Variants in KCNH2 observed in about 807,000 individuals in gnomAD.
KCNH2 encodes potassium voltage-gated channel subfamily H member 2.
KCNH2 carries 35 observed loss-of-function variants against 95.9 expected under a neutral mutation model. The observed-to-expected ratio is 0.37, with a 90% CI of 0.28 to 0.48. The LOEUF (loss-of-function observed/expected upper bound fraction) is 0.48, where lower values mean the gene tolerates loss of function less well. Among genes scored for constraint, KCNH2 ranks in the 20% least tolerant of loss-of-function variants. The probability of loss-of-function intolerance (pLI) is 0.99; values close to 1 mark genes in which losing one functional copy is unlikely to be tolerated. For missense variants in KCNH2, 1,274 were observed against 1,702.9 expected (o/e 0.75, Z 4.43); for synonymous variants, 786 against 754.7 (o/e 1.04, Z -0.68).
At position 150,945,680 on chromosome 7, in the gene KCNH2, G is replaced by A. The variant is rs930232422; in HGVS notation, c.3331-166C>T. ...TGGAGGGGACAAGAGCCAAGGCAGC[G>A]AGAGCAGGACAGGGGCCACCAAGGG... On this transcript the variant is annotated intron_variant, in intron 14 of 14. Coordinates refer to ENST00000262186, the MANE Select transcript of KCNH2 (RefSeq NM_000238.4). This position sits in a 1 kb window ranked among gnomAD's most constrained non-coding sequence, Gnocchi z 5.6. 6.6e-5 allele frequency among the ~76,000 whole-genome samples: 10 copies of A among 152,148 alleles called. No individual in the cohort carries two copies. The highest frequency in any genetic ancestry group is 4.1e-4 in the South Asian group (2 of 4,830).
chr7:150,946,958 G>A lies in KCNH2; in HGVS notation c.3249C>T (p.Thr1083=). 1 of 1,607,512 alleles carries A rather than the reference G, an allele frequency of 6.2e-7. No individual in the cohort carries two copies. Among genetic ancestry groups the A allele is most frequent in the Non-Finnish European group, 8.5e-7 (1 of 1,175,436 alleles). Residue 1083 remains threonine, a synonymous_variant, in exon 14 of 15, where the codon ACC becomes ACT. Coordinates refer to ENST00000262186, the MANE Select transcript of KCNH2 (RefSeq NM_000238.4). This position sits in a 1 kb window ranked among gnomAD's most constrained non-coding sequence, Gnocchi z 6.5. ...LVPPAYSAVT[T]PGPGPTSTSP... ...ATGTGGAAGTGGGGCCAGGCCCCGG[G>A]GTGGTCACAGCACTGTAGGCGGGCG...
At chr7:150,957,246 A>T in intron 5 of KCNH2, 45 bp downstream of exon 5, 1 of 1,485,124 alleles carries the variant, frequency 6.7e-7, no homozygotes, top group Non-Finnish European at 9.2e-7. Context: ...CCCCCTCTCC[A>T]AGCTCCTCCA....
rs747020378 is a variant in KCNH2 at position 150,974,676 on chromosome 7, C to A, written c.307+35G>T. On this transcript the variant is annotated intron_variant, in intron 2 of 14. Coordinates refer to ENST00000262186, the MANE Select transcript of KCNH2 (RefSeq NM_000238.4). ...CGTGGTCCCGCCCCTCTTGACCCCG[C>A]CCCTGGTCGTGGCCCCGCCCCGGCC... 9.8e-6 allele frequency: 15 copies of A among 1,528,238 alleles called. No individual in the cohort carries two copies. In the South Asian group the frequency reaches 1.7e-4, roughly 17 times the overall value. 94.7% of individuals were successfully genotyped at this position (1,528,238 alleles called of 1,614,324 possible).
In KCNH2 at chr7:150,978,087, C is replaced by T. The variant is rs575698405; in HGVS notation, c.-174G>A. 25 of 199,286 alleles carry T rather than the reference C, an allele frequency of 1.3e-4. No individual in the cohort carries two copies. In the Middle Eastern group the frequency reaches 5.5e-3, roughly 44 times the overall value. The allele number at this position is 199,286 out of a possible 1,614,324, so 12.3% of individuals were successfully genotyped here. On this transcript the variant is annotated 5_prime_UTR_variant, in exon 1 of 15. Coordinates refer to ENST00000262186, the MANE Select transcript of KCNH2 (RefSeq NM_000238.4). ...CCGGGTCCTCGCTCGGCTCCCGGCT[C>T]CCCGCTCCGGACCCCGGGCCCGGCC...
In KCNH2 at chr7:150,947,318, A is replaced by G. The variant is rs1427022039; in HGVS notation, c.3152+10T>C. The G allele has an allele frequency of 6.5e-7, 1 of 1,537,422 alleles. No individual in the cohort carries two copies. Among genetic ancestry groups the G allele is most frequent in the Non-Finnish European group, 8.7e-7 (1 of 1,145,284 alleles). ...GGGCGTGCCCCCCCACCCCACCTGC[A>G]CTCCCTCACCTGTTGAGCTGGCGCT... On this transcript the variant is annotated intron_variant, in intron 13 of 14. Coordinates refer to ENST00000262186, the MANE Select transcript of KCNH2 (RefSeq NM_000238.4).
At position 150,952,899 on chromosome 7, in the gene KCNH2, C is replaced by A. The variant is rs756001305; in HGVS notation, c.1129-46G>T. On this transcript the variant is annotated intron_variant, in intron 5 of 14. Transcript: ENST00000262186. This position sits in a 1 kb window ranked among gnomAD's most constrained non-coding sequence, Gnocchi z 7.3. ...GGTGTGGGTGAGGCAGGCCATGGGA[C>A]CTCGGGGGCAGGAGCGATGACATCT... The A allele has an allele frequency of 3.8e-6, 6 of 1,584,930 alleles. No individual in the cohort carries two copies. Among genetic ancestry groups the A allele is most frequent in the Non-Finnish European group, 8.6e-7 (1 of 1,161,694 alleles).
chr7:150,977,327 A>C (rs1259030552), intron 1 of KCNH2, among the ~76,000 whole-genome samples: 2 of 152,162 alleles, frequency 1.3e-5, no homozygotes, highest in Non-Finnish European at 2.9e-5. Flanking sequence ...ACATGGGCTC[A>C]GGGTTATATA....
intron 9 of KCNH2, 73 bp from the exon 10 acceptor site, chr7:150,949,122 C>T: frequency 7.2e-7 from 1 of 1,392,752 alleles, no homozygotes; most frequent in South Asian, 1.2e-5. Flanking sequence ...CTTCTCCCGG[C>T]ATCCCCACCC....
chr7:150,960,278 TTC>T (rs535780917), intron 2 of KCNH2, among the ~76,000 whole-genome samples: 69 of 152,390 alleles, frequency 4.5e-4, no homozygotes, highest in Middle Eastern at 3.4e-3. Context: ...TAATAATTTT[TTC>T]TTTTTAAAAT....
intron 1 of KCNH2, 41 bp from the exon 2 acceptor site, chr7:150,974,982 C>G (rs1294749679): frequency 6.6e-7 from 1 of 1,515,688 alleles, no homozygotes; most frequent in Non-Finnish European, 8.9e-7. Context: ...GCGGGGACCC[C>G]AGCCTCCGGG....
intron 3 of KCNH2, 44 bp downstream of exon 3, chr7:150,959,528 G>T: frequency 6.2e-7 from 1 of 1,608,400 alleles, no homozygotes; most frequent in African/African-American, 1.3e-5. Context: ...CCAAAGAAAT[G>T]AGACCACGAA....
intron 2 of KCNH2, among the ~76,000 whole-genome samples, chr7:150,966,003 C>A (rs541194733): frequency 2.6e-5 from 4 of 152,226 alleles, no homozygotes; most frequent in Non-Finnish European, 5.9e-5. Context: ...TTTGATGAAG[C>A]AAAATTCAAC....
chr7:150,945,107 G>A lies in KCNH2; in HGVS notation c.*258C>T, dbSNP rs1003129080. ...CTAAGGCCCAGGGCCGGGTGCCTCC[G>A]GGCAGTTAGACCAGCTAATGCCCTC... On this transcript the variant is annotated 3_prime_UTR_variant, in exon 15 of 15. Transcript: ENST00000262186. This position sits in a 1 kb window ranked among gnomAD's most constrained non-coding sequence, Gnocchi z 5.6. 3.2e-5 allele frequency: 16 copies of A among 504,342 alleles called. No homozygotes were observed. The highest frequency in any genetic ancestry group is 9.1e-5 in the East Asian group (3 of 33,148). 31.2% of individuals were successfully genotyped at this position (504,342 alleles called of 1,614,324 possible). A position where few individuals can be genotyped will look rare whatever the true frequency, so the allele number is the denominator to read the frequency against.
At position 150,973,138 on chromosome 7, in the gene KCNH2, T is replaced by C. The variant is rs143046890; in HGVS notation, c.307+1573A>G. 4.2e-3 allele frequency among the ~76,000 whole-genome samples: 639 copies of C among 152,342 alleles called. 9 individuals are homozygous for C. Among genetic ancestry groups the C allele is most frequent in the African/African-American group, 0.014 (602 of 41,568 alleles). ...GTCCAGTAGTGTATAATTTCCAGCA[T>C]TGTCTTAGACACAAACCCAGGACTT... On this transcript the variant is annotated intron_variant, in intron 2 of 14. Transcript: ENST00000262186.
chr7:150,973,366 G>A lies in KCNH2; in HGVS notation c.307+1345C>T, dbSNP rs73470592. On this transcript the variant is annotated intron_variant, in intron 2 of 14. Coordinates refer to ENST00000262186, the MANE Select transcript of KCNH2 (RefSeq NM_000238.4). The stretch of plus-strand genomic sequence containing the variant: ...ACTGCTATTTTCTAGCTGTGTGACT[G>A]TGTGAACTTCAGTTTCTTCATCCCC... Among the ~76,000 whole-genome samples the A allele has an allele frequency of 5.2e-3, 792 of 152,296 alleles. 4 individuals are homozygous for A. The highest frequency in any genetic ancestry group is 0.018 in the African/African-American group (748 of 41,562).
At chr7:150,959,516 C>A (rs926469012) in intron 3 of KCNH2, 56 bp downstream of exon 3, 9 of 1,597,556 alleles carry the variant, frequency 5.6e-6, no homozygotes, top group Non-Finnish European at 6.9e-6. Context: ...CAGCTCACAG[C>A]CCCAAAGAAA....
intron 5 of KCNH2, among the ~76,000 whole-genome samples, chr7:150,953,640 C>T (rs1394703026): frequency 2.0e-5 from 3 of 152,226 alleles, no homozygotes; most frequent in East Asian, 1.9e-4. Context: ...GCAGGCTGGC[C>T]ATCCGGACCC....
chr7:150,955,418 A>T (rs1334766179), intron 5 of KCNH2: 8 of 1,563,904 alleles, frequency 5.1e-6, no homozygotes, highest in Non-Finnish European at 8.7e-7. Context: ...GAGGCTGGAG[A>T]TGCGCACGGC....
rs557789224 is a variant in KCNH2, at chr7:150,947,802, C to G, written c.2769G>C (p.Pro923=). The change falls in exon 12 of 15, where the codon CCG becomes CCC. Residue 923 remains proline (P), a synonymous_variant. Transcript: ENST00000262186. ...ACGGGCTCTCCCCCCACGGCCCCCC[C>G]GGCCGGCCCCGGCTACTCGGCCCTG... is the stretch of plus-strand genomic sequence containing the variant. ...AGAGPSSRGR[P]GGPWGESPSS... The G allele has an allele frequency of 3.9e-6, 6 of 1,530,702 alleles. No individual in the cohort carries two copies. The highest frequency in any genetic ancestry group is 1.2e-5 in the South Asian group (1 of 83,102). 94.8% of individuals were successfully genotyped at this position (1,530,702 alleles called of 1,614,324 possible). A position where few individuals can be genotyped will look rare whatever the true frequency, so the allele number is the denominator to read the frequency against.
Sources: allele counts gnomAD v4.1 joint callset (sites outside exome capture counted in the v4.1 genomes callset), GRCh38; gene constraint gnomAD v4.1.1; non-coding constraint Gnocchi (gnomAD v3.1); transcripts MANE v1.5; gene names NCBI Gene and HGNC (gene_info 2026-07-23, HGNC 2026-07-21).